Variants in CNNM2 observed in about 807,000 individuals in gnomAD.
The protein encoded by CNNM2 is cyclin and CBS domain divalent metal cation transport mediator 2, also known as metal transporter CNNM2.
CNNM2 carries 12 observed loss-of-function variants against 66.9 expected under a neutral mutation model. The observed-to-expected ratio is 0.18, with a 90% CI of 0.11 to 0.29. CNNM2 has a LOEUF of 0.29. Among genes scored for constraint, CNNM2 ranks in the 10% least tolerant of loss-of-function variants. CNNM2 has a pLI of 1.00. For missense variants in CNNM2, 705 were observed against 1,167.7 expected (o/e 0.60, Z 5.77); for synonymous variants, 557 against 501.8 (o/e 1.11, Z -1.47).
At chr10:102,976,425 CTTTTTT>C (rs1206577839) in intron 1 of CNNM2, among the ~76,000 whole-genome samples, 2 of 34,720 alleles carry the variant, frequency 5.8e-5, no homozygotes, top group South Asian at 9.1e-4. Context: ...CAATTCTTGC[CTTTTTT>C]TTTTTTTTTT....
intron 1 of CNNM2, among the ~76,000 whole-genome samples, chr10:102,941,627 T>G (rs1167292166): frequency 6.6e-6 from 1 of 152,204 alleles, no homozygotes; most frequent in Admixed American, 6.5e-5. Context: ...GAATGTCCTT[T>G]CGCCAGATAG....
At position 103,054,519 on chromosome 10, in the gene CNNM2, C is replaced by A; in HGVS notation, c.1903+53C>A. On this transcript the variant is annotated intron_variant, in intron 3 of 7. Transcript: ENST00000369878. This position sits in a 1 kb window ranked among gnomAD's most constrained non-coding sequence, Gnocchi z 5.2. ...TCTCTACCAACCCTGAAGCGTGTTT[C>A]TCACCCACCACTGACTGGGGTGGGT... 6.3e-7 allele frequency: 1 copy of A among 1,587,280 alleles called. No homozygotes were observed. Among genetic ancestry groups the A allele is most frequent in the South Asian group, 1.1e-5 (1 of 88,068 alleles).
At chr10:103,059,364 C>T (rs971381925) in intron 4 of CNNM2, among the ~76,000 whole-genome samples, 1 of 152,054 alleles carries the variant, frequency 6.6e-6, no homozygotes, top group Non-Finnish European at 1.5e-5. Context: ...GCTCTCCCTG[C>T]AGGAAAAAAC....
chr10:103,000,298 C>T (rs546159572), intron 1 of CNNM2, among the ~76,000 whole-genome samples: 1 of 151,408 alleles, frequency 6.6e-6, no homozygotes, highest in East Asian at 1.9e-4. Flanking sequence ...GGAATAGCTG[C>T]TATAGAAAAC....
At chr10:103,071,527 T>G (rs971572306) in intron 5 of CNNM2, among the ~76,000 whole-genome samples, 1 of 152,220 alleles carries the variant, frequency 6.6e-6, no homozygotes, top group Non-Finnish European at 1.5e-5. Flanking sequence ...ATTAGTGGCT[T>G]AAGAGATTTC....
At chr10:103,071,161 A>G (rs1216201723) in intron 5 of CNNM2, among the ~76,000 whole-genome samples, 1 of 152,236 alleles carries the variant, frequency 6.6e-6, no homozygotes, top group Non-Finnish European at 1.5e-5. Flanking sequence ...ATTCCTGCTC[A>G]ACATTTCATG....
intron 5 of CNNM2, among the ~76,000 whole-genome samples, chr10:103,068,926 A>G (rs540092706): frequency 1.8e-4 from 27 of 152,326 alleles, no homozygotes; most frequent in African/African-American, 6.5e-4. Flanking sequence ...GAACACGTGT[A>G]AAGTGGCACC....
Position 102,918,390 on chromosome 10 carries a change from G to C in CNNM2, c.-91G>C, listed in dbSNP as rs1193744138. 2.6e-6 allele frequency: 4 copies of C among 1,527,866 alleles called. No homozygotes were observed. The highest frequency in any genetic ancestry group is 2.0e-4 in the Middle Eastern group (1 of 4,908). 94.6% of individuals were successfully genotyped at this position (1,527,866 alleles called of 1,614,324 possible). ...AGGCGAACTGCTGAGCACTGGCCGC[G>C]GACGCTCCGTTGCAGTCTCGCCCAG... is the stretch of plus-strand genomic sequence containing the variant. On this transcript the variant is annotated 5_prime_UTR_variant, in exon 1 of 8. Transcript: ENST00000369878. The surrounding 1 kb of genome is among the most constrained non-coding windows in gnomAD (Gnocchi z 4.1).
At chr10:102,991,620 T>G (rs2134242768) in intron 1 of CNNM2, among the ~76,000 whole-genome samples, 1 of 152,272 alleles carries the variant, frequency 6.6e-6, no homozygotes, top group South Asian at 2.1e-4. Context: ...TAATTTGGAG[T>G]ATCTGAAGGA....
intron 4 of CNNM2, among the ~76,000 whole-genome samples, chr10:103,059,650 C>T (rs2065351244): frequency 6.6e-6 from 1 of 151,988 alleles, no homozygotes; most frequent in Non-Finnish European, 1.5e-5. Flanking sequence ...ACTTTATTGG[C>T]TCTACATGCT....
chr10:103,058,018 T>C lies in CNNM2; in HGVS notation c.2073+1054T>C, dbSNP rs181615090. Among the ~76,000 whole-genome samples the C allele has an allele frequency of 3.5e-3, 533 of 152,250 alleles. 2 individuals carry two copies. The highest frequency in any genetic ancestry group is 0.01 in the Middle Eastern group (3 of 294). On this transcript the variant is annotated intron_variant, in intron 4 of 7. Coordinates refer to ENST00000369878, the MANE Select transcript of CNNM2 (RefSeq NM_017649.5). ...TGCTAATGTGGATCAAATGTGTAGA[T>C]TCAAGCTCGGGAAAGTGTTGTGTTC...
In CNNM2 at chr10:103,080,190, C is replaced by A. The variant is rs1296008480; in HGVS notation, c.*3010C>A. On this transcript the variant is annotated 3_prime_UTR_variant, in exon 8 of 8. Transcript: ENST00000369878. ...GATACTGATGGGAGGCCTCACCCTC[C>A]TTTACGGGGCCTCTCTGGGTGGGAC... The A allele has an allele frequency of 6.6e-6, 1 of 152,148 alleles. No homozygotes were observed. Among genetic ancestry groups the A allele is most frequent in the Non-Finnish European group, 1.5e-5 (1 of 68,052 alleles). 9.4% of individuals were successfully genotyped at this position (152,148 alleles called of 1,614,324 possible). A position where few individuals can be genotyped will look rare whatever the true frequency, so the allele number is the denominator to read the frequency against.
intron 1 of CNNM2, among the ~76,000 whole-genome samples, chr10:102,938,118 G>C (rs539432711): frequency 6.6e-6 from 1 of 151,668 alleles, no homozygotes; most frequent in Admixed American, 6.6e-5. Context: ...GGGCAACATA[G>C]TGAGACCTCA....
At chr10:102,962,690 C>CTG (rs10580172) in intron 1 of CNNM2, among the ~76,000 whole-genome samples, 26,764 of 143,610 alleles carry the variant, frequency 0.19, 2,425 homozygotes, top group East Asian at 0.32. Context: ...ATATGATATA[C>CTG]TGTGTGTGTG....
intron 1 of CNNM2, among the ~76,000 whole-genome samples, chr10:102,948,451 CAAG>C (rs754765202): frequency 5.9e-5 from 9 of 152,204 alleles, no homozygotes; most frequent in Admixed American, 1.3e-4. Context: ...ATTGTACACT[CAAG>C]GAGCTGAAAG....
At chr10:103,056,740 AT>A in intron 3 of CNNM2, 54 bp from the exon 4 acceptor site, 1 of 1,497,768 alleles carries the variant, frequency 6.7e-7, no homozygotes, top group Non-Finnish European at 9.2e-7. Flanking sequence ...TATTAATAGT[AT>A]AATTTTTCTC....
intron 1 of CNNM2, among the ~76,000 whole-genome samples, chr10:103,003,461 A>G (rs1281789198): frequency 6.6e-6 from 1 of 152,186 alleles, no homozygotes. Flanking sequence ...TAACGTGTAT[A>G]CAGAAAAGTA....
At chr10:103,060,917 T>TA (rs2134348202) in intron 4 of CNNM2, among the ~76,000 whole-genome samples, 1 of 152,204 alleles carries the variant, frequency 6.6e-6, no homozygotes, top group Admixed American at 6.5e-5. Context: ...AGAAAACATA[T>TA]AGAATGTAAT....
chr10:103,020,396 T>C (rs757007534), intron 1 of CNNM2, among the ~76,000 whole-genome samples: 5 of 152,188 alleles, frequency 3.3e-5, no homozygotes, highest in Non-Finnish European at 7.4e-5. Context: ...CCTCAGGTGA[T>C]CCGCTTGCGT....
Sources: gnomAD v4.1 joint callset for allele counts (sites outside exome capture counted in the v4.1 genomes callset) on GRCh38, gnomAD v4.1.1 for gene constraint, Gnocchi (gnomAD v3.1) non-coding constraint, MANE v1.5 for transcripts, NCBI Gene and HGNC (gene_info 2026-07-23, HGNC 2026-07-21) for gene names.